The following NDST4 variants were observed in gnomAD, a reference collection of about 807,000 sequenced individuals.
NDST4 encodes N-heparan sulfate sulfotransferase 4.
NDST4 carries 63 observed loss-of-function variants against 100.8 expected under a neutral mutation model. The ratio of observed to expected loss-of-function variants is 0.62; its 90% CI spans 0.51 to 0.77. NDST4 has a LOEUF of 0.77. Among genes scored for constraint, NDST4 ranks in the 30% least tolerant of loss-of-function variants. The pLI is 0.00. For missense variants in NDST4, 943 were observed against 1,018.4 expected, an observed-to-expected ratio of 0.93 and a Z score of 1.01; for synonymous variants, 377 against 361.8, an observed-to-expected ratio of 1.04 and a Z score of -0.48.
At chr4:114,995,944 A>G (rs1727151211) in intron 2 of NDST4, among the ~76,000 whole-genome samples, 2 of 152,280 alleles carry the variant, frequency 1.3e-5, no homozygotes, top group East Asian at 1.9e-4. Context: ...AATGACTCAT[A>G]CAAGTCATAT....
chr4:114,858,045 G>A (rs929234830), intron 7 of NDST4, among the ~76,000 whole-genome samples: 7 of 152,168 alleles, frequency 4.6e-5, no homozygotes. Flanking sequence ...CAGAGCTAAT[G>A]CAAATGGCTC....
chr4:114,994,542 G>T (rs1213144086), intron 2 of NDST4, among the ~76,000 whole-genome samples: 2 of 151,984 alleles, frequency 1.3e-5, no homozygotes, highest in African/African-American at 4.8e-5. Flanking sequence ...TTACAAGGAG[G>T]TAGGTGCTCA....
chr4:114,999,085 C>T (rs1727227247), intron 2 of NDST4, among the ~76,000 whole-genome samples: 1 of 152,078 alleles, frequency 6.6e-6, no homozygotes, highest in South Asian at 2.1e-4. Flanking sequence ...GAATTAGGTA[C>T]ATGATGCATA....
At chr4:114,972,310 T>C (rs180904802) in intron 3 of NDST4, among the ~76,000 whole-genome samples, 1 of 152,156 alleles carries the variant, frequency 6.6e-6, no homozygotes, top group East Asian at 1.9e-4. Context: ...GTTCCTGGAA[T>C]AGAGTTCATA....
chr4:114,839,498 T>G lies in NDST4; in HGVS notation c.2166A>C (p.Glu722Asp). The G allele has an allele frequency of 6.2e-7, 1 of 1,613,984 alleles. No homozygotes were observed. Among genetic ancestry groups the G allele is most frequent in the Non-Finnish European group, 8.5e-7 (1 of 1,179,908 alleles). ...DPAALRFNFY[E>D]VISTGHWAPS... ...GAGCCCAATGTCCTGTTGAAATAACTTCATAGAAATTGAACCTCAGAGCAG... is the reference window on the plus strand; with the variant it reads ...GAGCCCAATGTCCTGTTGAAATAACGTCATAGAAATTGAACCTCAGAGCAG... The change falls in exon 11 of 14, where the codon GAA (glutamate) becomes GAC (aspartate). Residue 722 changes from glutamate to aspartate, a missense_variant. By Grantham distance (45) the Glu-to-Asp change is conservative (BLOSUM62 2). Around this residue, in one of 2 missense-constraint regions of NDST4, gnomAD observed 526 missense variants for 634.1 expected, o/e 0.83. Transcript: ENST00000264363.
chr4:114,914,445 C>T (rs567133691), intron 6 of NDST4, among the ~76,000 whole-genome samples: 1 of 151,970 alleles, frequency 6.6e-6, no homozygotes, highest in Non-Finnish European at 1.5e-5. Context: ...AATATATATA[C>T]CTACTGTGTA....
chr4:114,842,519 C>T (rs1000401778), intron 10 of NDST4, among the ~76,000 whole-genome samples: 4 of 146,348 alleles, frequency 2.7e-5, no homozygotes, highest in Non-Finnish European at 6.0e-5. Context: ...TGGCAGGGCG[C>T]GGTGGCTCAC....
chr4:114,937,999 G>C (rs1262245564), intron 4 of NDST4, among the ~76,000 whole-genome samples: 3 of 152,138 alleles, frequency 2.0e-5, no homozygotes, highest in Non-Finnish European at 4.4e-5. Context: ...CAACAAGGTA[G>C]ATAAGGAAGC....
chr4:114,923,924 C>T (rs1325214809), intron 6 of NDST4, among the ~76,000 whole-genome samples: 1 of 150,676 alleles, frequency 6.6e-6, no homozygotes, highest in Admixed American at 6.6e-5. Flanking sequence ...ATTTATTTTT[C>T]GATGGAAACA....
At chr4:114,938,657 G>T (rs1256207712) in intron 4 of NDST4, among the ~76,000 whole-genome samples, 2 of 152,190 alleles carry the variant, frequency 1.3e-5, no homozygotes, top group Admixed American at 1.3e-4. Flanking sequence ...CATAGGAAAA[G>T]AATTCAGTCT....
intron 6 of NDST4, among the ~76,000 whole-genome samples, chr4:114,906,893 C>A (rs979564601): frequency 6.6e-6 from 1 of 152,018 alleles, no homozygotes; most frequent in East Asian, 1.9e-4. Context: ...GACTCTTTTG[C>A]ACATTTTTAT....
chr4:114,990,704 C>A (rs1194810098), intron 2 of NDST4, among the ~76,000 whole-genome samples: 1 of 152,200 alleles, frequency 6.6e-6, no homozygotes. Context: ...ATAACTAACA[C>A]ATCACACATT....
intron 2 of NDST4, among the ~76,000 whole-genome samples, chr4:115,003,379 TG>T (rs1727340225): frequency 6.6e-6 from 1 of 152,138 alleles, no homozygotes; most frequent in African/African-American, 2.4e-5. Context: ...CTCCAAGAAA[TG>T]CATGGAAATC....
chr4:114,870,779 G>A lies in NDST4; in HGVS notation c.1708C>T (p.Pro570Ser), dbSNP rs959482365. 6.2e-7 allele frequency: 1 copy of A among 1,608,604 alleles called. No homozygotes were observed. The highest frequency in any genetic ancestry group is 8.5e-7 in the Non-Finnish European group (1 of 1,177,794). ...YFELFPEQKD[P>S]LWQNPCDDKR... ...ATGTTAAATGTTACCTGCCATAGAG[G>A]GTCTTTCTGCTCAGGGAAGAGCTCA... Residue 570 changes from proline (P) to serine (S), a missense_variant, in exon 7 of 14, where the codon CCT becomes TCT. Pro to Ser is a moderately conservative substitution (Grantham distance 74). This residue lies in a region of NDST4 where 526 missense variants were observed against 634.1 expected (regional missense o/e 0.83). Coordinates refer to ENST00000264363, the MANE Select transcript of NDST4 (RefSeq NM_022569.3).
chr4:114,929,226 C>T (rs149929092), intron 6 of NDST4, among the ~76,000 whole-genome samples: 2,324 of 151,982 alleles, frequency 0.015, 23 homozygotes, highest in Middle Eastern at 0.027. Context: ...TGATAACTTC[C>T]GCCTATGCAA....
Position 115,077,184 on chromosome 4 carries a change from G to T in NDST4, c.-148C>A. ...TAAAATGTTTGAAGGGAGCACAACT[G>T]AGTTAAAGCTGGAAGGCAATAGATG... On this transcript the variant is annotated 5_prime_UTR_variant, in exon 2 of 14. Coordinates refer to ENST00000264363, the MANE Select transcript of NDST4 (RefSeq NM_022569.3). 1.4e-6 allele frequency: 1 copy of T among 732,058 alleles called. No individual in the cohort carries two copies. Among genetic ancestry groups the T allele is most frequent in the Non-Finnish European group, 2.2e-6 (1 of 463,210 alleles). 45.3% of individuals were successfully genotyped at this position (732,058 alleles called of 1,614,324 possible).
At chr4:114,885,856 G>C (rs1378443373) in intron 6 of NDST4, among the ~76,000 whole-genome samples, 2 of 151,422 alleles carry the variant, frequency 1.3e-5, no homozygotes, top group African/African-American at 2.4e-5. Context: ...CTTTATCTTG[G>C]GCTCTGTATA....
chr4:114,841,635 T>C (rs1035790892), intron 10 of NDST4, among the ~76,000 whole-genome samples: 1 of 152,152 alleles, frequency 6.6e-6, no homozygotes, highest in Non-Finnish European at 1.5e-5. Context: ...GCTAGGGAAA[T>C]GTTTAACATT....
At chr4:114,986,834 T>TATA (rs1726924842) in intron 2 of NDST4, among the ~76,000 whole-genome samples, 1 of 75,114 alleles carries the variant, frequency 1.3e-5, no homozygotes, top group Non-Finnish European at 2.6e-5. Flanking sequence ...ATATATATAT[T>TATA]TTAATATACT....
Sources: allele counts gnomAD v4.1 joint callset (sites outside exome capture counted in the v4.1 genomes callset), GRCh38; gene constraint gnomAD v4.1.1; regional missense constraint gnomAD v4.1.1; transcripts MANE v1.5; gene names NCBI Gene and HGNC (gene_info 2026-07-23, HGNC 2026-07-21).